The following ZNF26 variants were observed in gnomAD, a reference collection of about 807,000 sequenced individuals.
ZNF26 encodes the protein epididymis luminal protein 179.
In ZNF26, 32 loss-of-function variants were observed where a neutral mutation model predicts 54.9. The ratio of observed to expected loss-of-function variants is 0.58; its 90% CI spans 0.44 to 0.78. ZNF26 has a LOEUF of 0.78. ZNF26 is among the 30% of genes least tolerant of loss of function. The pLI is 0.00. For synonymous variants in ZNF26, 221 were observed against 209.2 expected, an observed-to-expected ratio of 1.06 and a Z score of -0.49; for missense variants, 524 against 634.0, an observed-to-expected ratio of 0.83 and a Z score of 1.86.
rs200950766 is a variant in ZNF26 at position 133,006,997 on chromosome 12, C to T, written c.34-45C>T. The T allele has an allele frequency of 1.8e-3, 2,850 of 1,609,588 alleles. 6 individuals are homozygous for T. Among genetic ancestry groups the T allele is most frequent in the Middle Eastern group, 3.0e-3 (18 of 6,050 alleles). On this transcript the variant is annotated intron_variant, in intron 1 of 3. Coordinates refer to ENST00000328654, the MANE Select transcript of ZNF26 (RefSeq NM_019591.4). ...GTTCCTCTGCATCTTTTCCATGTCA[C>T]CTAATGTAATTGCATCCAATTGAAC... is the stretch of plus-strand genomic sequence containing the variant.
In ZNF26 at chr12:133,010,486, G is replaced by A. The variant is rs1953446528; in HGVS notation, c.607G>A (p.Glu203Lys). Residue 203 changes from glutamate (E) to lysine (K), a missense_variant, in exon 4 of 4, where the codon GAA becomes AAA. Coordinates refer to ENST00000328654, the MANE Select transcript of ZNF26 (RefSeq NM_019591.4). The stretch of plus-strand genomic sequence containing the variant: ...AATTCATACAGGAGAGAGACCTTAT[G>A]AATGCAGTAAATGTGAAAGAGCCTT... ...LRIHTGERPYECSKCERAFSA... is the reference protein window; with the variant it reads ...LRIHTGERPYKCSKCERAFSA... 1 of 1,614,036 alleles carries A rather than the reference G, an allele frequency of 6.2e-7. No individual in the cohort carries two copies. Among genetic ancestry groups the A allele is most frequent in the Non-Finnish European group, 8.5e-7 (1 of 1,179,992 alleles).
rs2137287809 is a variant in ZNF26, at chr12:133,024,021, CCT to C, written c.*12544_*12545del. 1 of 152,342 alleles carries C rather than the reference CCT, an allele frequency of 6.6e-6. No homozygotes were observed. The highest frequency in any genetic ancestry group is 2.1e-4 in the South Asian group (1 of 4,832). The allele number at this position is 152,342 out of a possible 1,614,324, so 9.4% of individuals were successfully genotyped here. A position where few individuals can be genotyped will look rare whatever the true frequency, so the allele number is the denominator to read the frequency against. On this transcript the variant is annotated 3_prime_UTR_variant, in exon 4 of 4. Coordinates refer to ENST00000328654, the MANE Select transcript of ZNF26 (RefSeq NM_019591.4). ...TCTGACCCAGAACGGCTCAGTCAGA[CCT>C]CTCCTGAATCCCTGACAAACAGGAA...
intron 3 of ZNF26, among the ~76,000 whole-genome samples, chr12:133,009,608 T>G (rs1229495192): frequency 1.3e-5 from 2 of 152,018 alleles, no homozygotes; most frequent in African/African-American, 4.8e-5. Flanking sequence ...AAAAAAAATC[T>G]TAAAAATATG....
chr12:133,000,418 A>ATTT (rs139011460), intron 1 of ZNF26, among the ~76,000 whole-genome samples: 7 of 60,954 alleles, frequency 1.1e-4, no homozygotes, highest in Non-Finnish European at 1.2e-4. Context: ...TACCTGGCTA[A>ATTT]TTTTTTTTTT....
chr12:133,007,273 A>C, intron 2 of ZNF26, 105 bp downstream of exon 2: 1 of 1,441,700 alleles, frequency 6.9e-7, no homozygotes. Flanking sequence ...AATGATTATG[A>C]ACTTGAACTT....
chr12:133,007,769 T>A (rs1953363383), intron 3 of ZNF26, among the ~76,000 whole-genome samples: 1 of 152,218 alleles, frequency 6.6e-6, no homozygotes, highest in African/African-American at 2.4e-5. Context: ...TTTCCTGAAC[T>A]CTGCTTCAGG....
At position 133,010,772 on chromosome 12, in the gene ZNF26, A is replaced by G; in HGVS notation, c.893A>G (p.Lys298Arg). Residue 298 changes from lysine (K) to arginine (R), a missense_variant, in exon 4 of 4, where the codon AAG becomes AGG. Transcript: ENST00000328654. ...GAATGTGGGAAAGCCTTTAGTTTGA[A>G]GTCTCCATTCGTTGTACACCAGAGA... ...CSECGKAFSL[K>R]SPFVVHQRTH... is the part of the protein sequence containing the mutation. 6.2e-7 allele frequency: 1 copy of G among 1,614,052 alleles called. No homozygotes were observed. Among genetic ancestry groups the G allele is most frequent in the Non-Finnish European group, 8.5e-7 (1 of 1,180,018 alleles).
At chr12:132,991,349 A>G (rs1952949923) in intron 1 of ZNF26, among the ~76,000 whole-genome samples, 1 of 151,502 alleles carries the variant, frequency 6.6e-6, no homozygotes, top group South Asian at 2.1e-4. Context: ...TACAAAAGTT[A>G]GCGCCGGGCA....
Position 133,011,387 on chromosome 12 carries a change from T to G in ZNF26, c.1508T>G (p.Val503Gly). Residue 503 changes from valine (V) to glycine (G), a missense_variant, in exon 4 of 4, where the codon GTT (valine) becomes GGT (glycine). By Grantham distance (109) the Val-to-Gly change is moderately radical (BLOSUM62 -3). Coordinates refer to ENST00000328654, the MANE Select transcript of ZNF26 (RefSeq NM_019591.4). The part of the protein sequence containing the change: ...QKSSLSEHQR[V>G]HTGEKPWKCS... ...TCATCTCTCAGTGAACATCAGAGAGTTCACACCGGAGAGAAACCATGGAAA... is the reference window on the plus strand; with the variant it reads ...TCATCTCTCAGTGAACATCAGAGAGGTCACACCGGAGAGAAACCATGGAAA... 6.2e-7 allele frequency: 1 copy of G among 1,611,386 alleles called. No homozygotes were observed. Among genetic ancestry groups the G allele is most frequent in the South Asian group, 1.1e-5 (1 of 90,402 alleles).
chr12:132,986,667 C>T lies in ZNF26; in HGVS notation c.-174C>T. ...GGGAGGTTGTCTAGTCACGCGCGGTCTGTGTTGGGCGAGAGCTGAGGAGCC... is the reference window on the plus strand; with the variant it reads ...GGGAGGTTGTCTAGTCACGCGCGGTTTGTGTTGGGCGAGAGCTGAGGAGCC... On this transcript the variant is annotated 5_prime_UTR_variant, in exon 1 of 4. Transcript: ENST00000328654. 3.2e-6 allele frequency: 2 copies of T among 633,594 alleles called. No homozygotes were observed. The highest frequency in any genetic ancestry group is 5.5e-5 in the East Asian group (2 of 36,326). The allele number at this position is 633,594 out of a possible 1,614,324, so 39.2% of individuals were successfully genotyped here.
At chr12:133,007,007 T>C (rs1395172882) in intron 1 of ZNF26, 35 bp from the exon 2 acceptor site, 8 of 1,612,338 alleles carry the variant, frequency 5.0e-6, no homozygotes, top group Non-Finnish European at 6.8e-6. Context: ...CCTAATGTAA[T>C]TGCATCCAAT....
chr12:133,000,107 C>T (rs1351762509), intron 1 of ZNF26, among the ~76,000 whole-genome samples: 1 of 152,112 alleles, frequency 6.6e-6, no homozygotes, highest in Admixed American at 6.6e-5. Context: ...AACTGTTTAT[C>T]ATAATCTCTT....
chr12:132,992,156 A>T (rs1171568256), intron 1 of ZNF26, among the ~76,000 whole-genome samples: 6 of 152,202 alleles, frequency 3.9e-5, no homozygotes, highest in Admixed American at 3.9e-4. Context: ...TCAAAAAAAA[A>T]AAAGTGTATC....
chr12:132,990,626 A>G (rs892366617), intron 1 of ZNF26, among the ~76,000 whole-genome samples: 77 of 152,128 alleles, frequency 5.1e-4, no homozygotes, highest in African/African-American at 1.8e-3. Context: ...GATTGGTGTG[A>G]TTTTTTTCCT....
chr12:133,018,356 G>A lies in ZNF26; in HGVS notation c.*6875G>A, dbSNP rs1260849820. 17 of 152,116 alleles carry A rather than the reference G, an allele frequency of 1.1e-4. No individual in the cohort carries two copies. Among genetic ancestry groups the A allele is most frequent in the South Asian group, 6.2e-4 (3 of 4,824 alleles). The allele number at this position is 152,116 out of a possible 1,614,324, so 9.4% of individuals were successfully genotyped here. A position where few individuals can be genotyped will look rare whatever the true frequency, so the allele number is the denominator to read the frequency against. On this transcript the variant is annotated 3_prime_UTR_variant, in exon 4 of 4. Transcript: ENST00000328654. ...ATATATCAATACCAGCACAAAAGTC[G>A]GGGTGGGGGCTAGAACTATATAGGA...
At chr12:132,999,356 A>G (rs1953160667) in intron 1 of ZNF26, among the ~76,000 whole-genome samples, 7 of 152,076 alleles carry the variant, frequency 4.6e-5, no homozygotes, top group Admixed American at 3.9e-4. Flanking sequence ...CCCGGGTTCA[A>G]GTGATTCTCC....
rs1953588716 is a variant in ZNF26, at chr12:133,017,933, C to CG, written c.*6452_*6453insG. 1 of 152,156 alleles carries CG rather than the reference C, an allele frequency of 6.6e-6. No individual in the cohort carries two copies. The highest frequency in any genetic ancestry group is 1.5e-5 in the Non-Finnish European group (1 of 68,044). 9.4% of individuals were successfully genotyped at this position (152,156 alleles called of 1,614,324 possible). A position where few individuals can be genotyped will look rare whatever the true frequency, so the allele number is the denominator to read the frequency against. On this transcript the variant is annotated 3_prime_UTR_variant, in exon 4 of 4. Coordinates refer to ENST00000328654, the MANE Select transcript of ZNF26 (RefSeq NM_019591.4). ...CTGAGGCAGGAGAATGGCTTGAACC[C>CG]AGGAGGCAGAGGTTGCAGTGAGCCG...
rs1458120567 is a variant in ZNF26, at chr12:133,009,481, A to G, written c.257-655A>G. On this transcript the variant is annotated intron_variant, in intron 3 of 3. Transcript: ENST00000328654. ...ATGGCATGTGCCTGTAGTCCCAGCT[A>G]CTCAGGAATCTGACATGGGAGGATT... 3.3e-5 allele frequency among the ~76,000 whole-genome samples: 5 copies of G among 152,140 alleles called. No homozygotes were observed. In the East Asian group the frequency reaches 7.7e-4, roughly 23 times the overall value.
chr12:133,026,752 C>CG lies in ZNF26; in HGVS notation c.*15271_*15272insG, dbSNP rs1953710851. On this transcript the variant is annotated 3_prime_UTR_variant, in exon 4 of 4. Transcript: ENST00000328654. The stretch of plus-strand genomic sequence containing the variant: ...ATGTTGACTAGGCTGGTCTCGAACT[C>CG]CTGACCTCAGGTGATCTGCCCGCCT... The CG allele has an allele frequency of 6.6e-6, 1 of 151,930 alleles. No individual in the cohort carries two copies. The highest frequency in any genetic ancestry group is 1.5e-5 in the Non-Finnish European group (1 of 68,016). The allele number at this position is 151,930 out of a possible 1,614,324, so 9.4% of individuals were successfully genotyped here.
Sources: gnomAD v4.1 joint callset for allele counts (sites outside exome capture counted in the v4.1 genomes callset) on GRCh38, gnomAD v4.1.1 for gene constraint, MANE v1.5 for transcripts, NCBI Gene and HGNC (gene_info 2026-07-23, HGNC 2026-07-21) for gene names.